The following ARHGAP20 variants were observed in gnomAD, a reference collection of about 807,000 sequenced individuals.
The protein encoded by ARHGAP20 is Rho GTPase activating protein 20, also known as rho GTPase-activating protein 20.
In ARHGAP20, 34 loss-of-function variants were observed where a neutral mutation model predicts 73.7. The observed-to-expected ratio is 0.46, with a 90% CI of 0.35 to 0.61. The LOEUF is 0.61. Ranked by LOEUF, ARHGAP20 falls within the 20% of genes least tolerant of loss-of-function variation. The pLI is 0.00. For synonymous variants in ARHGAP20, 523 were observed against 518.2 expected, an observed-to-expected ratio of 1.01 and a Z score of -0.13; for missense variants, 1,314 against 1,420.9, an observed-to-expected ratio of 0.92 and a Z score of 1.21.
intron 2 of ARHGAP20, among the ~76,000 whole-genome samples, chr11:110,668,088 G>C (rs1949759414): frequency 6.6e-6 from 1 of 152,166 alleles, no homozygotes; most frequent in Non-Finnish European, 1.5e-5. Flanking sequence ...AATTTTGAAA[G>C]AAGTTCTGTG....
rs1027177803 is a variant in ARHGAP20, at chr11:110,592,250, C to T, written c.965-95G>A. On this transcript the variant is annotated intron_variant, in intron 9 of 14. Coordinates refer to ENST00000683387, the MANE Select transcript of ARHGAP20 (RefSeq NM_001384657.1). ...TTATGGTATGTTTGTTGCTATGGCT[C>T]AAAGAGAAAAAGATGCTAATAGATG... The T allele has an allele frequency of 1.7e-5, 21 of 1,206,408 alleles. No homozygotes were observed. The African/African-American group carries it at 3.2e-4, about 18-fold the overall frequency. 74.7% of individuals were successfully genotyped at this position (1,206,408 alleles called of 1,614,324 possible).
Position 110,579,809 on chromosome 11 carries a change from T to C in ARHGAP20, c.3137A>G (p.Lys1046Arg), listed in dbSNP as rs768150332. 42 of 1,614,038 alleles carry C rather than the reference T, an allele frequency of 2.6e-5. No homozygotes were observed. The Admixed American group carries it at 4.5e-4, about 17-fold the overall frequency. The change falls in exon 15 of 15, where the codon AAA becomes AGA. Residue 1046 changes from lysine (K) to arginine (R), a missense_variant. This residue lies in a region of ARHGAP20 where 641 missense variants were observed against 636.9 expected (regional missense o/e 1.01). Coordinates refer to ENST00000683387, the MANE Select transcript of ARHGAP20 (RefSeq NM_001384657.1). ...TWLRNGVASL[K>R]NWSLKKKAKA... The stretch of plus-strand genomic sequence containing the variant: ...TGCTTTCTTTTTGAGGGACCAGTTT[T>C]TCAAACTGGCCACACCATTTCTCAA...
intron 2 of ARHGAP20, among the ~76,000 whole-genome samples, chr11:110,645,878 A>G (rs1021076061): frequency 6.6e-6 from 1 of 152,204 alleles, no homozygotes; most frequent in Non-Finnish European, 1.5e-5. Flanking sequence ...TGAAAACCAA[A>G]TACTCCACAT....
intron 1 of ARHGAP20, 186 bp downstream of exon 1, chr11:110,711,941 C>G (rs1251243182): frequency 8.0e-7 from 1 of 1,251,792 alleles, no homozygotes; most frequent in African/African-American, 1.6e-5. Context: ...CTGCGGGAGG[C>G]GGCGGCGCTG....
chr11:110,617,920 A>T (rs1416022604), intron 4 of ARHGAP20, among the ~76,000 whole-genome samples: 2 of 152,178 alleles, frequency 1.3e-5, no homozygotes, highest in Non-Finnish European at 2.9e-5. Context: ...CTCTCAAATT[A>T]TGGAGGAGAT....
At chr11:110,690,775 G>A in intron 1 of ARHGAP20, 146 bp from the exon 2 acceptor site, 1 of 881,160 alleles carries the variant, frequency 1.1e-6, no homozygotes, top group East Asian at 2.6e-5. Flanking sequence ...AGATAAAACT[G>A]TAACATCTAA....
chr11:110,658,065 G>A (rs564815952), intron 2 of ARHGAP20, among the ~76,000 whole-genome samples: 5 of 152,230 alleles, frequency 3.3e-5, no homozygotes, highest in African/African-American at 1.2e-4. Flanking sequence ...TTTGAAACTT[G>A]ACCTACCACT....
chr11:110,703,536 C>CAT (rs2135148381), intron 1 of ARHGAP20, among the ~76,000 whole-genome samples: 1 of 151,686 alleles, frequency 6.6e-6, no homozygotes, highest in South Asian at 2.1e-4. Flanking sequence ...TATATTCATT[C>CAT]ATATATATGG....
At chr11:110,701,465 G>A (rs2135143401) in intron 1 of ARHGAP20, among the ~76,000 whole-genome samples, 1 of 151,556 alleles carries the variant, frequency 6.6e-6, no homozygotes, top group South Asian at 2.1e-4. Context: ...TGAGTTCATT[G>A]TAGATTCTGG....
At chr11:110,683,742 G>A (rs548106360) in intron 2 of ARHGAP20, among the ~76,000 whole-genome samples, 2 of 152,232 alleles carry the variant, frequency 1.3e-5, no homozygotes, top group East Asian at 3.9e-4. Flanking sequence ...CTATTTCACA[G>A]ATGAGGAAAC....
chr11:110,668,224 A>G (rs190130984), intron 2 of ARHGAP20, among the ~76,000 whole-genome samples: 3 of 152,304 alleles, frequency 2.0e-5, no homozygotes, highest in African/African-American at 7.2e-5. Flanking sequence ...TTCGGCAACC[A>G]CCATCCTTAT....
intron 9 of ARHGAP20, 43 bp from the exon 10 acceptor site, chr11:110,592,198 C>T: frequency 1.9e-6 from 3 of 1,546,060 alleles, no homozygotes; most frequent in Non-Finnish European, 2.6e-6. Flanking sequence ...GTTTCATTCA[C>T]TTAATCTTAT....
chr11:110,671,277 A>T (rs1291082829), intron 2 of ARHGAP20, among the ~76,000 whole-genome samples: 4 of 152,086 alleles, frequency 2.6e-5, no homozygotes. Context: ...AGAAAAAAGC[A>T]TCTGATGAAA....
chr11:110,653,006 G>A (rs1201541130), intron 2 of ARHGAP20, among the ~76,000 whole-genome samples: 1 of 152,112 alleles, frequency 6.6e-6, no homozygotes, highest in Non-Finnish European at 1.5e-5. Flanking sequence ...TGGGAGAACT[G>A]GCTAGCCATA....
At position 110,578,958 on chromosome 11, in the gene ARHGAP20, G is replaced by A; in HGVS notation, c.*412C>T. 1.0e-6 allele frequency: 1 copy of A among 987,652 alleles called. No individual in the cohort carries two copies. 61.2% of individuals were successfully genotyped at this position (987,652 alleles called of 1,614,324 possible). A position where few individuals can be genotyped will look rare whatever the true frequency, so the allele number is the denominator to read the frequency against. ...TGCCTACTTATTAAAAACATTCCAT[G>A]GAATGTAGATGGTTTCTCTGTACCC... On this transcript the variant is annotated 3_prime_UTR_variant, in exon 15 of 15. Transcript: ENST00000683387.
intron 2 of ARHGAP20, among the ~76,000 whole-genome samples, chr11:110,677,367 T>C (rs964148304): frequency 6.6e-6 from 1 of 152,094 alleles, no homozygotes; most frequent in Non-Finnish European, 1.5e-5. Flanking sequence ...AAAACCATGA[T>C]AAGGCCACAG....
Position 110,624,151 on chromosome 11 carries a change from G to A in ARHGAP20, c.503+11C>T. The A allele has an allele frequency of 1.2e-6, 2 of 1,607,756 alleles. No homozygotes were observed. Among genetic ancestry groups the A allele is most frequent in the Non-Finnish European group, 1.7e-6 (2 of 1,178,528 alleles). On this transcript the variant is annotated intron_variant, in intron 4 of 14. Coordinates refer to ENST00000683387, the MANE Select transcript of ARHGAP20 (RefSeq NM_001384657.1). Reference sequence around the variant, plus strand: ...AACCCAGGTAAATAGAGGACAAGCTGTGGTTCTTACCTGAAAGTGGCCACA... The same window carrying A: ...AACCCAGGTAAATAGAGGACAAGCTATGGTTCTTACCTGAAAGTGGCCACA...
chr11:110,586,138 G>T, intron 12 of ARHGAP20, 78 bp downstream of exon 12: 1 of 717,726 alleles, frequency 1.4e-6, no homozygotes, highest in Non-Finnish European at 2.0e-6. Flanking sequence ...GACTTTGATA[G>T]CTGTCATTAT....
At chr11:110,711,759 G>GC (rs1368318737) in intron 1 of ARHGAP20, 2 of 1,362,142 alleles carry the variant, frequency 1.5e-6, no homozygotes, top group East Asian at 6.2e-5. Flanking sequence ...GCCACTTCGG[G>GC]AGGCCCAGGG....
Sources: gnomAD v4.1 joint callset for allele counts (sites outside exome capture counted in the v4.1 genomes callset) on GRCh38, gnomAD v4.1.1 for gene constraint, gnomAD v4.1.1 regional missense constraint, MANE v1.5 for transcripts, NCBI Gene and HGNC (gene_info 2026-07-23, HGNC 2026-07-21) for gene names.